The following CLSTN1 variants were observed in gnomAD, a reference collection of about 807,000 sequenced individuals.
CLSTN1 encodes calsyntenin 1.
In CLSTN1, 28 loss-of-function variants were observed where a neutral mutation model predicts 108.3. That is an observed-to-expected ratio of 0.26 (90% confidence interval 0.19 to 0.35). The LOEUF (loss-of-function observed/expected upper bound fraction) is 0.35. CLSTN1 is among the 10% of genes least tolerant of loss of function. The pLI, the probability that CLSTN1 is intolerant of heterozygous loss-of-function variation, is 1.00. For missense variants in CLSTN1, 1,157 were observed against 1,302.6 expected (o/e 0.89, Z 1.72); for synonymous variants, 524 against 534.9 (o/e 0.98, Z 0.28).
intron 7 of CLSTN1, among the ~76,000 whole-genome samples, chr1:9,749,204 A>C (rs929574441): frequency 3.9e-5 from 6 of 152,158 alleles, no homozygotes; most frequent in Non-Finnish European, 8.8e-5. Flanking sequence ...ACATCTGGCC[A>C]CCAGTGGTTC....
At chr1:9,760,912 C>T (rs905383963) in intron 2 of CLSTN1, among the ~76,000 whole-genome samples, 2 of 152,114 alleles carry the variant, frequency 1.3e-5, no homozygotes, top group South Asian at 2.1e-4. Flanking sequence ...AACTCAGCCT[C>T]TCTCAAACTC....
At chr1:9,804,942 T>C (rs1457137669) in intron 1 of CLSTN1, among the ~76,000 whole-genome samples, 1 of 151,854 alleles carries the variant, frequency 6.6e-6, no homozygotes, top group Non-Finnish European at 1.5e-5. Flanking sequence ...GCTAACACAG[T>C]GAAACCCCGT....
rs535150862 is a variant in CLSTN1 at position 9,733,348 on chromosome 1, C to T, written c.2427+53G>A. 249 of 1,598,896 alleles carry T rather than the reference C, an allele frequency of 1.6e-4. 1 individual carries two copies. The highest frequency in any genetic ancestry group is 2.9e-4 in the East Asian group (13 of 44,678). On this transcript the variant is annotated intron_variant, in intron 16 of 18. Transcript: ENST00000377298. ...TGTGAATATTAGGGCTGCAAATCAG[C>T]GCCCTCACTCACTGCTGCTATTGGC...
At position 9,823,626 on chromosome 1, in the gene CLSTN1, C is replaced by A; in HGVS notation, c.91+17G>T. On this transcript the variant is annotated intron_variant, in intron 1 of 18. Coordinates refer to ENST00000377298, the MANE Select transcript of CLSTN1 (RefSeq NM_001009566.3). The surrounding 1 kb of genome is among the most constrained non-coding windows in gnomAD (Gnocchi z 6.3). ...TCCCGCACCGACCCAGCGGCCCGGC[C>A]CAGCCCCGGGGCTTACCTCGCGCGG... is the stretch of plus-strand genomic sequence containing the variant. 1.7e-6 allele frequency: 2 copies of A among 1,179,476 alleles called. No individual in the cohort carries two copies. Among genetic ancestry groups the A allele is most frequent in the Non-Finnish European group, 2.1e-6 (2 of 952,462 alleles). The allele number at this position is 1,179,476 out of a possible 1,614,324, so 73.1% of individuals were successfully genotyped here.
chr1:9,803,620 T>C (rs1394205569), intron 1 of CLSTN1, among the ~76,000 whole-genome samples: 1 of 151,998 alleles, frequency 6.6e-6, no homozygotes, highest in Non-Finnish European at 1.5e-5. Context: ...CTGGCCAACA[T>C]GGTGAAATCC....
At chr1:9,732,723 C>T (rs1650472945) in intron 16 of CLSTN1, among the ~76,000 whole-genome samples, 1 of 152,238 alleles carries the variant, frequency 6.6e-6, no homozygotes, top group Non-Finnish European at 1.5e-5. Context: ...ACCCTCTAGC[C>T]TGTGTGGCCT....
At chr1:9,756,791 T>C (rs917506340) in intron 2 of CLSTN1, among the ~76,000 whole-genome samples, 1 of 145,466 alleles carries the variant, frequency 6.9e-6, no homozygotes, top group African/African-American at 2.8e-5. Context: ...AGGATTTTTC[T>C]TTTTTTTGAG....
At position 9,744,441 on chromosome 1, in the gene CLSTN1, T is replaced by C; in HGVS notation, c.1188A>G (p.Pro396=). Residue 396 remains proline, a synonymous_variant, in exon 8 of 19, where the codon CCA becomes CCG. Coordinates refer to ENST00000377298, the MANE Select transcript of CLSTN1 (RefSeq NM_001009566.3). ...GAATTGTCTCCTTCTTCCTGCCGAATGGCCCATGTCTCATCCACACCGAGA... is the reference window on the plus strand; with the variant it reads ...GAATTGTCTCCTTCTTCCTGCCGAACGGCCCATGTCTCATCCACACCGAGA... ...FTISVWMRHG[P]FGRKKETILC... is the part of the protein sequence containing the mutation. 1.2e-6 allele frequency: 2 copies of C among 1,610,710 alleles called. No individual in the cohort carries two copies. Among genetic ancestry groups the C allele is most frequent in the Non-Finnish European group, 8.5e-7 (1 of 1,179,980 alleles).
At chr1:9,745,490 A>G (rs1651213799) in intron 7 of CLSTN1, among the ~76,000 whole-genome samples, 2 of 151,908 alleles carry the variant, frequency 1.3e-5, no homozygotes, top group South Asian at 4.2e-4. Flanking sequence ...AACCCTGTCA[A>G]TACAAAAAAC....
chr1:9,793,224 G>C (rs143193816), intron 1 of CLSTN1, among the ~76,000 whole-genome samples: 27 of 151,426 alleles, frequency 1.8e-4, no homozygotes, highest in African/African-American at 6.3e-4. Context: ...TGTTTGCCAG[G>C]CTGGTCTCGA....
intron 5 of CLSTN1, 45 bp downstream of exon 5, chr1:9,751,428 C>T: frequency 6.3e-7 from 1 of 1,590,124 alleles, no homozygotes; most frequent in Non-Finnish European, 8.6e-7. Flanking sequence ...GTGGGGTTAG[C>T]AGGGACTGTC....
At chr1:9,819,599 A>C (rs1370242058) in intron 1 of CLSTN1, among the ~76,000 whole-genome samples, 1 of 152,180 alleles carries the variant, frequency 6.6e-6, no homozygotes, top group East Asian at 1.9e-4. Context: ...AATTCCTATA[A>C]AACTGCTTGG....
intron 4 of CLSTN1, among the ~76,000 whole-genome samples, chr1:9,754,212 G>A (rs1206500995): frequency 6.6e-6 from 1 of 151,982 alleles, no homozygotes; most frequent in Non-Finnish European, 1.5e-5. Context: ...TTAATGTAGG[G>A]CCTTTACTTC....
At position 9,773,321 on chromosome 1, in the gene CLSTN1, G is replaced by A. The variant is rs139189920; in HGVS notation, c.165C>T (p.Leu55=). Residue 55 remains leucine, a synonymous_variant, in exon 2 of 19, where the codon CTC becomes CTT. Coordinates refer to ENST00000377298, the MANE Select transcript of CLSTN1 (RefSeq NM_001009566.3). ...IVTENDNTVL[L]DPPLIALDKD... ...TATCCAGCGCGATCAGTGGGGGGTC[G>A]AGGAGCACGGTGTTGTCGTTCTCTG... The A allele has an allele frequency of 8.9e-5, 144 of 1,614,146 alleles. No homozygotes were observed. In the African/African-American group the frequency reaches 1.6e-3, roughly 18 times the overall value.
intron 13 of CLSTN1, 73 bp from the exon 14 acceptor site, chr1:9,735,247 G>A: frequency 6.5e-7 from 1 of 1,532,512 alleles, no homozygotes; most frequent in Non-Finnish European, 9.0e-7. Flanking sequence ...AAAGGCACAT[G>A]GAGGTGGGAT....
intron 1 of CLSTN1, among the ~76,000 whole-genome samples, chr1:9,786,240 GAACAA>G (rs1653480677): frequency 1.3e-5 from 2 of 152,122 alleles, no homozygotes; most frequent in Non-Finnish European, 1.5e-5. Context: ...TAAGCTAACA[GAACAA>G]TTGAGTTTTT....
At chr1:9,748,643 A>G (rs1651399691) in intron 7 of CLSTN1, among the ~76,000 whole-genome samples, 1 of 151,980 alleles carries the variant, frequency 6.6e-6, no homozygotes, top group Non-Finnish European at 1.5e-5. Flanking sequence ...GTGCACCGCC[A>G]TGCCCGGCTA....
chr1:9,801,510 G>A (rs1406267651), intron 1 of CLSTN1, among the ~76,000 whole-genome samples: 2 of 152,196 alleles, frequency 1.3e-5, no homozygotes, highest in African/African-American at 4.8e-5. Flanking sequence ...CTCTACAGAA[G>A]CAAAGGGAAT....
intron 1 of CLSTN1, among the ~76,000 whole-genome samples, chr1:9,793,314 A>T (rs1653850466): frequency 6.6e-6 from 1 of 151,452 alleles, no homozygotes; most frequent in Non-Finnish European, 1.5e-5. Flanking sequence ...CGCCCAGCCT[A>T]AAATACGGAT....
Sources: allele counts gnomAD v4.1 joint callset (sites outside exome capture counted in the v4.1 genomes callset), GRCh38; gene constraint gnomAD v4.1.1; non-coding constraint Gnocchi (gnomAD v3.1); transcripts MANE v1.5; gene names NCBI Gene and HGNC (gene_info 2026-07-23, HGNC 2026-07-21).